Variants in KANSL1 observed in about 807,000 individuals in gnomAD.
KANSL1 encodes KAT8 regulatory NSL complex subunit 1.
In KANSL1, 22 loss-of-function variants were observed where a neutral mutation model predicts 103.6. The observed-to-expected ratio is 0.21, with a 90% confidence interval of 0.15 to 0.30. The LOEUF (loss-of-function observed/expected upper bound fraction) is 0.30. KANSL1 is among the 10% of genes least tolerant of loss of function. KANSL1 has a pLI of 1.00. For synonymous variants in KANSL1, 600 were observed against 527.6 expected, an observed-to-expected ratio of 1.14 and a Z score of -1.88; for missense variants, 1,337 against 1,399.8, an observed-to-expected ratio of 0.96 and a Z score of 0.72.
intron 2 of KANSL1, among the ~76,000 whole-genome samples, chr17:46,116,375 A>T (rs1029528645): frequency 1.6e-4 from 24 of 152,068 alleles, no homozygotes; most frequent in Admixed American, 1.4e-3. Context: ...CTAAAAACAC[A>T]AAAAATTAGC....
At chr17:46,215,609 G>A (rs1436831992) in intron 1 of KANSL1, among the ~76,000 whole-genome samples, 5 of 152,210 alleles carry the variant, frequency 3.3e-5, no homozygotes, top group Non-Finnish European at 7.3e-5. Context: ...AGAATGTGGT[G>A]ACTAGAATGG....
At chr17:46,032,661 T>A (rs7212164) in intron 13 of KANSL1, 5,304 of 329,524 alleles carry the variant, frequency 0.016, 288 homozygotes, top group African/African-American at 0.1. Context: ...TCTGCCACTG[T>A]TAACAATAAA....
chr17:46,044,861 T>C (rs1419126355), intron 7 of KANSL1: 1 of 152,148 alleles, frequency 6.6e-6, no homozygotes, highest in Non-Finnish European at 1.5e-5. Flanking sequence ...ACAAACTGGT[T>C]AGGAAACAGC....
At chr17:46,193,693 C>G (rs569836246), upstream of KANSL1, 8 of 291,656 alleles carry the variant, frequency 2.7e-5, no homozygotes, top group South Asian at 1.7e-4. Context: ...GCGGCGACGG[C>G]ACGCAGCACT....
intron 2 of KANSL1, among the ~76,000 whole-genome samples, chr17:46,140,846 C>A (rs2044383634): frequency 6.6e-6 from 1 of 152,176 alleles, no homozygotes; most frequent in African/African-American, 2.4e-5. Context: ...CATTGACTAG[C>A]ATGGCTATAA....
chr17:46,123,032 T>C (rs1598680419), intron 2 of KANSL1, among the ~76,000 whole-genome samples: 3 of 152,350 alleles, frequency 2.0e-5, no homozygotes, highest in South Asian at 4.1e-4. Flanking sequence ...AATCAAAAGC[T>C]AGAAATAGAC....
intron 6 of KANSL1, among the ~76,000 whole-genome samples, chr17:46,064,886 TTTA>T (rs964600624): frequency 1.3e-5 from 2 of 152,004 alleles, no homozygotes; most frequent in Non-Finnish European, 2.9e-5. Context: ...TAATTAATTT[TTTA>T]TTATTATTAT....
intron 2 of KANSL1, among the ~76,000 whole-genome samples, chr17:46,120,457 A>C (rs2043229283): frequency 6.6e-6 from 1 of 152,226 alleles, no homozygotes; most frequent in African/African-American, 2.4e-5. Flanking sequence ...CCATGAAAGA[A>C]AGGAGGTCTA....
intron 8 of KANSL1, 122 bp downstream of exon 8, chr17:46,039,580 A>AT (rs1276766756): frequency 2.7e-6 from 3 of 1,113,008 alleles, no homozygotes; most frequent in Admixed American, 2.6e-5. Flanking sequence ...TGTGAGCTGA[A>AT]TTTTTTATCG....
chr17:46,163,266 T>C (rs1047735991), intron 2 of KANSL1, among the ~76,000 whole-genome samples: 2 of 152,246 alleles, frequency 1.3e-5, no homozygotes, highest in African/African-American at 4.8e-5. Context: ...AATGAATGAA[T>C]TAATCAAATC....
chr17:46,186,723 T>C (rs2047052240), intron 1 of KANSL1, among the ~76,000 whole-genome samples: 1 of 152,164 alleles, frequency 6.6e-6, no homozygotes, highest in African/African-American at 2.4e-5. Context: ...CTTATCAGAC[T>C]GGTATTTCTT....
intron 6 of KANSL1, among the ~76,000 whole-genome samples, chr17:46,058,463 T>C (rs2078008905): frequency 6.6e-6 from 1 of 152,210 alleles, no homozygotes; most frequent in Non-Finnish European, 1.5e-5. Context: ...TAAAGGAAGA[T>C]GGCACAATCC....
At chr17:46,075,741 CACTT>C (rs1486987469) in intron 4 of KANSL1, among the ~76,000 whole-genome samples, 4 of 152,198 alleles carry the variant, frequency 2.6e-5, no homozygotes, top group African/African-American at 9.7e-5. Flanking sequence ...TTACAGTACT[CACTT>C]AAGATAAATA....
intron 2 of KANSL1, among the ~76,000 whole-genome samples, chr17:46,107,951 T>A (rs2042640575): frequency 6.6e-6 from 1 of 152,216 alleles, no homozygotes; most frequent in Non-Finnish European, 1.5e-5. Context: ...ATATATCCAG[T>A]ATTCAGCCAC....
chr17:46,047,116 G>T (rs73317053), intron 7 of KANSL1, among the ~76,000 whole-genome samples: 8,401 of 152,174 alleles, frequency 0.055, 688 homozygotes, highest in African/African-American at 0.18. Context: ...TCTCTTACAA[G>T]AAATCACATG....
At chr17:46,050,459 T>C in intron 7 of KANSL1, 74 bp downstream of exon 7, 1 of 1,446,864 alleles carries the variant, frequency 6.9e-7, no homozygotes, top group South Asian at 1.3e-5. Flanking sequence ...TAACTGCACC[T>C]TGGCTGATTT....
intron 1 of KANSL1, among the ~76,000 whole-genome samples, chr17:46,216,971 G>A (rs759082866): frequency 6.6e-6 from 1 of 152,098 alleles, no homozygotes; most frequent in Non-Finnish European, 1.5e-5. Flanking sequence ...GCCAGATGTG[G>A]TAGTGTGCAC....
upstream of KANSL1, chr17:46,195,940 A>G (rs1018844727): frequency 6.3e-6 from 1 of 158,906 alleles, no homozygotes; most frequent in East Asian, 1.9e-4. Context: ...CAAACAAACA[A>G]AAAAAGATTT....
At chr17:46,079,304 C>A (rs1251123476) in intron 4 of KANSL1, among the ~76,000 whole-genome samples, 1 of 152,174 alleles carries the variant, frequency 6.6e-6, no homozygotes, top group Non-Finnish European at 1.5e-5. Flanking sequence ...AAACAATCAT[C>A]CTGTTTGGAA....
Sources: gnomAD v4.1 joint callset for allele counts (sites outside exome capture counted in the v4.1 genomes callset) on GRCh38, gnomAD v4.1.1 for gene constraint, MANE v1.5 for transcripts, NCBI Gene and HGNC (gene_info 2026-07-23, HGNC 2026-07-21) for gene names.